Variants in FBLIM1 observed in about 807,000 individuals in gnomAD.
FBLIM1 encodes filamin-binding LIM protein 1.
In FBLIM1, 29 loss-of-function variants were observed where a neutral mutation model predicts 37.4. The observed-to-expected ratio is 0.77, with a 90% CI of 0.58 to 1.06. The LOEUF (loss-of-function observed/expected upper bound fraction) is 1.06. FBLIM1 is among the 50% of genes least tolerant of loss of function. FBLIM1 has a pLI of 0.00. For missense variants in FBLIM1, 449 were observed against 505.6 expected (o/e 0.89, Z 1.07); for synonymous variants, 193 against 199.0 (o/e 0.97, Z 0.25).
upstream of FBLIM1, among the ~76,000 whole-genome samples, chr1:15,757,238 A>G (rs943632621): frequency 1.4e-4 from 21 of 152,166 alleles, no homozygotes; most frequent in Admixed American, 3.3e-4. The surrounding 1 kb of genome is among the most constrained non-coding windows in gnomAD (Gnocchi z 4.1). Context: ...AAAGGATGGC[A>G]CTGGTACCTG....
rs1319166435 is a variant in FBLIM1, at chr1:15,777,196, G to C, written c.917G>C (p.Cys306Ser). Residue 306 changes from cysteine to serine, a missense_variant, in exon 8 of 9, where the codon TGT (cysteine) becomes TCT (serine). By Grantham distance (112) the Cys-to-Ser change is moderately radical. Transcript: ENST00000375766. Reference protein sequence around the residue: ...YRKFAPVCSICENPIIPRDGK... With the variant: ...YRKFAPVCSISENPIIPRDGK... ...AAATTCGCCCCCGTCTGCAGCATCT[G>C]TGAAAATCCCATCATCCCTCGGGAT... 4 of 1,611,296 alleles carry C rather than the reference G, an allele frequency of 2.5e-6. No individual in the cohort carries two copies. The highest frequency in any genetic ancestry group is 3.4e-6 in the Non-Finnish European group (4 of 1,177,784).
chr1:15,769,700 G>A (rs1400542811), intron 5 of FBLIM1, among the ~76,000 whole-genome samples: 2 of 151,592 alleles, frequency 1.3e-5, no homozygotes, highest in South Asian at 2.1e-4. Context: ...GCAGTGGCGC[G>A]ATCTTGGCTC....
rs761753503 is a variant in FBLIM1 at position 15,774,698 on chromosome 1, C to A, written c.792C>A (p.Pro264=). 44 of 1,614,010 alleles carry A rather than the reference C, an allele frequency of 2.7e-5. No individual in the cohort carries two copies. The highest frequency in any genetic ancestry group is 7.6e-6 in the Non-Finnish European group (9 of 1,180,000). The change falls in exon 7 of 9, where the codon CCC becomes CCA. Residue 264 remains proline (P), a synonymous_variant. Transcript: ENST00000375766. ...GGGCCCTGGGCCAGGCCTTCCACCC[C>A]TCCTGCTTCACGTGTGTGACCTGCG... ...IIRALGQAFH[P]SCFTCVTCAR...
intron 1 of FBLIM1, among the ~76,000 whole-genome samples, chr1:15,759,592 C>G (rs1423863033): frequency 2.0e-5 from 3 of 152,304 alleles, no homozygotes; most frequent in Non-Finnish European, 4.4e-5. Flanking sequence ...TCAGCTGCTG[C>G]CTAACCAGCT....
chr1:15,770,701 G>A (rs1230124815), intron 6 of FBLIM1, 123 bp downstream of exon 6: 3 of 1,187,458 alleles, frequency 2.5e-6, no homozygotes, highest in Non-Finnish European at 3.5e-6. Flanking sequence ...CACAGATGAG[G>A]AAACTGAGGC....
chr1:15,769,369 C>T (rs535344586), intron 5 of FBLIM1, among the ~76,000 whole-genome samples: 4 of 151,840 alleles, frequency 2.6e-5, no homozygotes, highest in African/African-American at 9.7e-5. Flanking sequence ...CCCAGCTACT[C>T]GGGAGGCTGA....
Position 15,786,331 on chromosome 1 carries a change from G to T in FBLIM1, c.*1670G>T, listed in dbSNP as rs989572118. The T allele has an allele frequency of 1.3e-5, 2 of 152,162 alleles. No homozygotes were observed. Among genetic ancestry groups the T allele is most frequent in the Admixed American group, 6.6e-5 (1 of 15,256 alleles). 9.4% of individuals were successfully genotyped at this position (152,162 alleles called of 1,614,324 possible). On this transcript the variant is annotated 3_prime_UTR_variant, in exon 9 of 9. Coordinates refer to ENST00000375766, the MANE Select transcript of FBLIM1 (RefSeq NM_017556.4). ...CAGGCTTCTCTGTAGAACCCCAGGG[G>T]CTTCGGCCCAGACCACAGCGTCTTG... is the stretch of plus-strand genomic sequence containing the variant.
chr1:15,766,346 G>A (rs891056290), intron 3 of FBLIM1, among the ~76,000 whole-genome samples: 2 of 152,010 alleles, frequency 1.3e-5, no homozygotes, highest in Non-Finnish European at 2.9e-5. Flanking sequence ...ACCCAAGCAG[G>A]AGTGCAGTGG....
chr1:15,775,534 C>CAAA (rs1161761535), intron 7 of FBLIM1, among the ~76,000 whole-genome samples: 3 of 84,336 alleles, frequency 3.6e-5, no homozygotes, highest in African/African-American at 1.2e-4. Context: ...GACTCTGTCT[C>CAAA]AAAAAAAAAA....
rs181918530 is a variant in FBLIM1, at chr1:15,762,911, A to G, written c.-210-1585A>G. On this transcript the variant is annotated intron_variant, in intron 1 of 8. Coordinates refer to ENST00000375766, the MANE Select transcript of FBLIM1 (RefSeq NM_017556.4). The stretch of plus-strand genomic sequence containing the variant: ...TGTTTGAGCTGGGCCTCTAAGAGAA[A>G]GCTGAAATTCACCCTGTGGGGGCAG... Among the ~76,000 whole-genome samples, 145 of 152,290 alleles carry G rather than the reference A, an allele frequency of 9.5e-4. 4 individuals carry two copies. Among genetic ancestry groups the G allele is most frequent in the Admixed American group, 9.5e-3 (145 of 15,290 alleles).
At chr1:15,770,780 T>G (rs1464773475) in intron 6 of FBLIM1, among the ~76,000 whole-genome samples, 6 of 152,154 alleles carry the variant, frequency 3.9e-5, no homozygotes, top group African/African-American at 1.2e-4. Context: ...ACCACAACCT[T>G]CGTGGCTTCC....
intron 8 of FBLIM1, among the ~76,000 whole-genome samples, chr1:15,780,934 C>T (rs781232147): frequency 6.6e-6 from 1 of 152,146 alleles, no homozygotes; most frequent in South Asian, 2.1e-4. Flanking sequence ...TCCCCAACAT[C>T]ATCCTCACGA....
intron 1 of FBLIM1, among the ~76,000 whole-genome samples, chr1:15,763,496 C>T (rs1471120354): frequency 1.3e-5 from 2 of 150,238 alleles, no homozygotes; most frequent in African/African-American, 2.4e-5. Flanking sequence ...ATTAGCCGGG[C>T]GTGGTGGCGG....
At chr1:15,762,863 G>T (rs1381005313) in intron 1 of FBLIM1, among the ~76,000 whole-genome samples, 1 of 152,204 alleles carries the variant, frequency 6.6e-6, no homozygotes. Context: ...CAGGAATCGG[G>T]GGGTGCCTTG....
intron 5 of FBLIM1, among the ~76,000 whole-genome samples, 169 bp from the exon 6 acceptor site, chr1:15,770,240 C>G (rs963276874): frequency 1.1e-4 from 17 of 152,172 alleles, no homozygotes; most frequent in African/African-American, 4.1e-4. Context: ...AGCCACCATG[C>G]CTGACTCAGA....
intron 7 of FBLIM1, 45 bp from the exon 8 acceptor site, chr1:15,777,125 G>A (rs1401990945): frequency 6.7e-7 from 1 of 1,484,840 alleles, no homozygotes; most frequent in African/African-American, 1.4e-5. Context: ...AATTTCTGTG[G>A]TTGTGGCATG....
chr1:15,773,960 T>C (rs1287926845), intron 6 of FBLIM1, among the ~76,000 whole-genome samples: 2 of 151,888 alleles, frequency 1.3e-5, no homozygotes, highest in African/African-American at 4.8e-5. Flanking sequence ...CTGGCCAACA[T>C]GGTGAAACAC....
chr1:15,781,356 C>A (rs1168542301), intron 8 of FBLIM1, among the ~76,000 whole-genome samples: 1 of 150,546 alleles, frequency 6.6e-6, no homozygotes, highest in Non-Finnish European at 1.5e-5. Flanking sequence ...GACTCTGTCT[C>A]AAAAAAAATT....
chr1:15,783,190 A>G (rs1375172498), intron 8 of FBLIM1, among the ~76,000 whole-genome samples: 1 of 152,144 alleles, frequency 6.6e-6, no homozygotes, highest in Non-Finnish European at 1.5e-5. Flanking sequence ...ATTCTCTAGC[A>G]TGTGCCCAGG....
Sources: allele counts gnomAD v4.1 joint callset (sites outside exome capture counted in the v4.1 genomes callset), GRCh38; gene constraint gnomAD v4.1.1; non-coding constraint Gnocchi (gnomAD v3.1); transcripts MANE v1.5; gene names NCBI Gene and HGNC (gene_info 2026-07-23, HGNC 2026-07-21).